Variants in CACNA2D3 observed in about 807,000 individuals in gnomAD.
The protein encoded by CACNA2D3 is voltage-dependent calcium channel subunit alpha-2/delta-3.
In CACNA2D3, 60 loss-of-function variants were observed where a neutral mutation model predicts 160.6. The ratio of observed to expected loss-of-function variants is 0.37; its 90% CI spans 0.30 to 0.46. The LOEUF is 0.46. CACNA2D3 is among the 20% of genes least tolerant of loss of function. CACNA2D3 has a pLI of 1.00. For synonymous variants in CACNA2D3, 558 were observed against 492.9 expected (o/e 1.13, Z -1.75); for missense variants, 1,205 against 1,365.0 (o/e 0.88, Z 1.85).
intron 4 of CACNA2D3, among the ~76,000 whole-genome samples, chr3:54,433,067 A>G (rs1700012163): frequency 6.6e-6 from 1 of 152,224 alleles, no homozygotes; most frequent in Non-Finnish European, 1.5e-5. Flanking sequence ...TTCCAAGCAA[A>G]AAATGAACAC....
At position 54,752,603 on chromosome 3, in the gene CACNA2D3, G is replaced by T. The variant is rs1265001369; in HGVS notation, c.1172G>T (p.Arg391Leu). 6.2e-7 allele frequency: 1 copy of T among 1,612,478 alleles called. No individual in the cohort carries two copies. Among genetic ancestry groups the T allele is most frequent in the Non-Finnish European group, 8.5e-7 (1 of 1,179,188 alleles). ...AKYNWPDRKVRIFTYLIGREA... is the reference protein window; with the variant it reads ...AKYNWPDRKVLIFTYLIGREA... ...ATGCGTTTGTCTTCCCTTCAGGTTC[G>T]CATCTTCACATACCTCATTGGACGA... The change falls in exon 12 of 38, where the codon CGC (arginine) becomes CTC (leucine). Residue 391 changes from arginine (R) to leucine (L), a missense_variant. Physicochemically the swap from Arg to Leu is moderately radical, Grantham distance 102 (BLOSUM62 -2). This residue lies in a region of CACNA2D3 where 911 missense variants were observed against 1,002.2 expected (regional missense o/e 0.91). Transcript: ENST00000474759.
intron 18 of CACNA2D3, chr3:54,876,303 C>T (rs1409236580): frequency 2.0e-5 from 3 of 152,284 alleles, no homozygotes; most frequent in South Asian, 4.1e-4. Context: ...CTTCTCAAGC[C>T]GCAGCTTCCT....
intron 11 of CACNA2D3, among the ~76,000 whole-genome samples, chr3:54,646,718 C>T (rs1699660005): frequency 6.6e-6 from 1 of 152,134 alleles, no homozygotes; most frequent in African/African-American, 2.4e-5. Flanking sequence ...AGTGAACATA[C>T]ACATGCATGT....
At chr3:54,565,492 A>G (rs546969120) in intron 6 of CACNA2D3, among the ~76,000 whole-genome samples, 1 of 152,264 alleles carries the variant, frequency 6.6e-6, no homozygotes, top group Admixed American at 6.5e-5. Flanking sequence ...TCCTAAGGGC[A>G]TGTGGTAACT....
At chr3:54,855,925 C>T (rs532403939) in intron 17 of CACNA2D3, among the ~76,000 whole-genome samples, 1 of 152,308 alleles carries the variant, frequency 6.6e-6, no homozygotes, top group East Asian at 1.9e-4. Flanking sequence ...TGTCACCCCT[C>T]CTTTGTAAAA....
intron 2 of CACNA2D3, among the ~76,000 whole-genome samples, chr3:54,256,588 G>A (rs1189370208): frequency 6.6e-6 from 1 of 152,038 alleles, no homozygotes; most frequent in Non-Finnish European, 1.5e-5. Flanking sequence ...AGTTTATGCT[G>A]CTTCCCAGAG....
chr3:55,065,948 T>C (rs1289178442), intron 35 of CACNA2D3, among the ~76,000 whole-genome samples: 1 of 152,194 alleles, frequency 6.6e-6, no homozygotes, highest in African/African-American at 2.4e-5. Context: ...GGAGAAAATA[T>C]TTGTGTATTT....
rs536116850 is a variant in CACNA2D3 at position 54,854,877 on chromosome 3, A to G, written c.1626+8410A>G. Among the ~76,000 whole-genome samples, 4 of 152,334 alleles carry G rather than the reference A, an allele frequency of 2.6e-5. No individual in the cohort carries two copies. The East Asian group carries it at 7.7e-4, about 29-fold the overall frequency. On this transcript the variant is annotated intron_variant, in intron 17 of 37. Coordinates refer to ENST00000474759, the MANE Select transcript of CACNA2D3 (RefSeq NM_018398.3). ...TCAGTCTTCAGAAGAAAAACCAAGA[A>G]GACAGCTATAGATAATTACCCACCT...
At chr3:54,746,897 A>T (rs1701761911) in intron 11 of CACNA2D3, among the ~76,000 whole-genome samples, 1 of 152,272 alleles carries the variant, frequency 6.6e-6, no homozygotes, top group Admixed American at 6.5e-5. Context: ...AGAGGAAAGT[A>T]TAGTTAGCTA....
intron 27 of CACNA2D3, among the ~76,000 whole-genome samples, chr3:54,902,537 T>C (rs1700359595): frequency 6.6e-6 from 1 of 152,154 alleles, no homozygotes; most frequent in Admixed American, 6.5e-5. Context: ...CTGCCACCAG[T>C]GTGCTGCATT....
intron 12 of CACNA2D3, among the ~76,000 whole-genome samples, chr3:54,762,811 G>T (rs1450207153): frequency 6.6e-6 from 1 of 152,182 alleles, no homozygotes; most frequent in Non-Finnish European, 1.5e-5. Flanking sequence ...TGTCTACCTG[G>T]CTGGGCGTGG....
intron 9 of CACNA2D3, 94 bp downstream of exon 9, chr3:54,581,971 T>C: frequency 9.8e-7 from 1 of 1,016,706 alleles, no homozygotes; most frequent in South Asian, 1.6e-5. Flanking sequence ...TCAAATGCAC[T>C]GCCCTTTCAT....
intron 18 of CACNA2D3, chr3:54,874,890 GC>G (rs1212660680): frequency 2.0e-5 from 3 of 152,234 alleles, no homozygotes; most frequent in African/African-American, 7.2e-5. Flanking sequence ...GATAGGGAGT[GC>G]CTTGCACATA....
intron 35 of CACNA2D3, among the ~76,000 whole-genome samples, chr3:55,033,956 T>A (rs893822802): frequency 6.8e-6 from 1 of 147,156 alleles, no homozygotes. Flanking sequence ...TTTTGGGGAA[T>A]GTTTTCATTT....
chr3:54,193,729 A>C (rs1701021868), intron 2 of CACNA2D3, among the ~76,000 whole-genome samples: 1 of 152,212 alleles, frequency 6.6e-6, no homozygotes, highest in Non-Finnish European at 1.5e-5. Context: ...TGTTGCAGGA[A>C]GAATATTCTC....
chr3:54,130,462 C>T (rs996807588), intron 2 of CACNA2D3, among the ~76,000 whole-genome samples: 4 of 152,202 alleles, frequency 2.6e-5, no homozygotes, highest in African/African-American at 9.7e-5. Flanking sequence ...TGGCCCTGGG[C>T]AAATTGCTTA....
At chr3:54,516,783 G>T (rs1389424545) in intron 5 of CACNA2D3, among the ~76,000 whole-genome samples, 5 of 152,164 alleles carry the variant, frequency 3.3e-5, no homozygotes, top group Admixed American at 1.3e-4. Flanking sequence ...GACTTTCAGA[G>T]ACTTTTCTGG....
Position 54,642,205 on chromosome 3 carries a change from T to C in CACNA2D3, c.1131T>C (p.Asp377=), listed in dbSNP as rs1367752741. Residue 377 remains aspartate, a synonymous_variant, in exon 11 of 38, where the codon GAT becomes GAC. Transcript: ENST00000474759. ...LITDGAVDTY[D]TIFAKYNWPD... ...CTGATGGGGCGGTGGACACCTATGATACAATCTTTGCAAAATACAATTGGC... is the reference window on the plus strand; with the variant it reads ...CTGATGGGGCGGTGGACACCTATGACACAATCTTTGCAAAATACAATTGGC... 3.7e-6 allele frequency: 6 copies of C among 1,612,908 alleles called. No homozygotes were observed. The highest frequency in any genetic ancestry group is 4.2e-6 in the Non-Finnish European group (5 of 1,179,458).
intron 5 of CACNA2D3, among the ~76,000 whole-genome samples, chr3:54,556,253 T>A (rs1270472408): frequency 6.6e-6 from 1 of 152,132 alleles, no homozygotes; most frequent in East Asian, 1.9e-4. Flanking sequence ...GTCCCAAATT[T>A]AGGGTGGTGC....
Sources: gnomAD v4.1 joint callset for allele counts (sites outside exome capture counted in the v4.1 genomes callset) on GRCh38, gnomAD v4.1.1 for gene constraint, gnomAD v4.1.1 regional missense constraint, MANE v1.5 for transcripts, NCBI Gene and HGNC (gene_info 2026-07-23, HGNC 2026-07-21) for gene names.